The following FABP7 variants were observed in gnomAD, a reference collection of about 807,000 sequenced individuals.
FABP7 encodes the protein fatty acid binding protein 7.
FABP7 carries 13 observed loss-of-function variants against 14.2 expected under a neutral mutation model. The ratio of observed to expected loss-of-function variants is 0.91; its 90% CI spans 0.59 to 1.45. FABP7 has a LOEUF of 1.45. Ranked by LOEUF, FABP7 falls within the 40% of genes most tolerant of loss-of-function variation. FABP7 has a pLI of 0.00. For missense variants in FABP7, 149 were observed against 157.6 expected, an observed-to-expected ratio of 0.95 and a Z score of 0.29; for synonymous variants, 49 against 51.4, an observed-to-expected ratio of 0.95 and a Z score of 0.20.
the FABP7 span, among the ~76,000 whole-genome samples, chr6:122,755,459 A>ATTTTTTTTTT: frequency 1.5e-5 from 2 of 131,954 alleles, no homozygotes; most frequent in African/African-American, 2.8e-5. Context: ...TATGTTTTGT[A>ATTTTTTTTTT]TTTTTTTTTT....
At chr6:122,782,050 C>A (rs981404421) in intron 3 of FABP7, 25 of 985,156 alleles carry the variant, frequency 2.5e-5, no homozygotes, top group Non-Finnish European at 2.9e-5. Context: ...AGGCTCCCAG[C>A]CCCCAAAGAG....
the FABP7 span, among the ~76,000 whole-genome samples, chr6:122,769,124 C>A: frequency 6.6e-6 from 1 of 152,036 alleles, no homozygotes; most frequent in African/African-American, 2.4e-5. Flanking sequence ...GCAAACCATA[C>A]CCTGACATTC....
chr6:122,783,453 T>TA (rs1292869914), intron 3 of FABP7: 7 of 985,344 alleles, frequency 7.1e-6, no homozygotes, highest in Non-Finnish European at 8.4e-6. Context: ...TCTGCTCAAT[T>TA]ACCCTGATAA....
intron 2 of FABP7, among the ~76,000 whole-genome samples, 158 bp from the exon 3 acceptor site, chr6:122,780,935 C>T (rs921988252): frequency 6.6e-6 from 1 of 152,020 alleles, no homozygotes; most frequent in African/African-American, 2.4e-5. Flanking sequence ...TTCAAATTTA[C>T]ATAATAGAAA....
chr6:122,765,422 T>C, the FABP7 span, among the ~76,000 whole-genome samples: 1 of 152,096 alleles, frequency 6.6e-6, no homozygotes, highest in African/African-American at 2.4e-5. Context: ...TATCTATATA[T>C]ATATAGCCTA....
chr6:122,779,682 T>C, upstream of FABP7: 1 of 977,112 alleles, frequency 1.0e-6, no homozygotes, highest in Non-Finnish European at 1.6e-6. Context: ...CCACCCTCTT[T>C]CCAAATAAGA....
chr6:122,779,591 C>T (rs1006425034), upstream of FABP7: 2 of 596,190 alleles, frequency 3.4e-6, no homozygotes, highest in African/African-American at 3.7e-5. Flanking sequence ...CGCTCCTTCC[C>T]TTCTCCTCTC....
At chr6:122,772,298 T>A in the FABP7 span, among the ~76,000 whole-genome samples, 2 of 152,062 alleles carry the variant, frequency 1.3e-5, no homozygotes, top group East Asian at 3.9e-4. Context: ...CTATGTCAGA[T>A]CTAGAAGCAG....
intron 3 of FABP7, chr6:122,782,331 A>C (rs7752838): frequency 7.3e-6 from 4 of 544,690 alleles, no homozygotes; most frequent in Non-Finnish European, 9.3e-6. Context: ...TAGTGTTGCC[A>C]TCCTTCTGCG....
At chr6:122,779,944 C>A in intron 1 of FABP7, 77 bp downstream of exon 1, 2 of 1,393,426 alleles carry the variant, frequency 1.4e-6, no homozygotes, top group South Asian at 1.2e-5. Context: ...TTTCACTCAT[C>A]AGGTCAGCAA....
At chr6:122,773,068 CTT>C in the FABP7 span, among the ~76,000 whole-genome samples, 1 of 152,126 alleles carries the variant, frequency 6.6e-6, no homozygotes, top group Non-Finnish European at 1.5e-5. Flanking sequence ...AGGCAAAACT[CTT>C]TATCAGAGGA....
the FABP7 span, among the ~76,000 whole-genome samples, chr6:122,759,496 G>C: frequency 6.6e-6 from 1 of 152,050 alleles, no homozygotes; most frequent in Admixed American, 6.6e-5. Context: ...TCTTAATCAG[G>C]CTTAATCAGA....
the FABP7 span, among the ~76,000 whole-genome samples, chr6:122,773,192 G>A: frequency 6.6e-6 from 1 of 152,112 alleles, no homozygotes; most frequent in Admixed American, 6.5e-5. Flanking sequence ...GAATACATGC[G>A]AATCAAAACT....
At chr6:122,778,847 G>A (rs1180274726), upstream of FABP7, among the ~76,000 whole-genome samples, 1 of 152,138 alleles carries the variant, frequency 6.6e-6, no homozygotes, top group Non-Finnish European at 1.5e-5. Context: ...AAAGGTCCTA[G>A]AATGCAGGTA....
chr6:122,759,091 T>C, the FABP7 span, among the ~76,000 whole-genome samples: 5 of 152,222 alleles, frequency 3.3e-5, no homozygotes, highest in Admixed American at 3.3e-4. Context: ...AGGTTTCACA[T>C]ACTTAGAATG....
intron 3 of FABP7, chr6:122,782,328 GC>G: frequency 5.2e-6 from 3 of 580,652 alleles, no homozygotes; most frequent in Non-Finnish European, 6.5e-6. Flanking sequence ...CCCTAGTGTT[GC>G]CATCCTTCTG....
chr6:122,765,783 C>G, the FABP7 span, among the ~76,000 whole-genome samples: 1 of 151,828 alleles, frequency 6.6e-6, no homozygotes, highest in Non-Finnish European at 1.5e-5. Context: ...CTTAGGAATC[C>G]TTGCTCCTGT....
chr6:122,780,197 T>G (rs1780748564), intron 1 of FABP7, 94 bp from the exon 2 acceptor site: 2 of 1,313,056 alleles, frequency 1.5e-6, no homozygotes, highest in Non-Finnish European at 2.2e-6. Context: ...ACTTACACTT[T>G]AGAACGTGGA....
the FABP7 span, among the ~76,000 whole-genome samples, chr6:122,752,735 T>C: frequency 6.6e-6 from 1 of 152,208 alleles, no homozygotes; most frequent in Non-Finnish European, 1.5e-5. Context: ...TCCAGCGAAG[T>C]AAGCCTTGTG....
Sources: allele counts gnomAD v4.1 joint callset (sites outside exome capture counted in the v4.1 genomes callset), GRCh38; gene constraint gnomAD v4.1.1; transcripts MANE v1.5; gene names NCBI Gene and HGNC (gene_info 2026-07-23, HGNC 2026-07-21).